KAZN: variants seen among roughly 807,000 people sequenced by gnomAD.
The protein encoded by KAZN is kazrin, periplakin interacting protein.
In KAZN, 40 loss-of-function variants were observed where a neutral mutation model predicts 87.4. The ratio of observed to expected loss-of-function variants is 0.46; its 90% confidence interval spans 0.36 to 0.60. KAZN has a LOEUF of 0.60. Among genes scored for constraint, KAZN ranks in the 20% least tolerant of loss-of-function variants. The pLI is 0.00. For missense variants in KAZN, 898 were observed against 1,073.9 expected, an observed-to-expected ratio of 0.84 and a Z score of 2.29; for synonymous variants, 466 against 458.3, an observed-to-expected ratio of 1.02 and a Z score of -0.22.
At chr1:14,283,413 A>G (rs1216945216) in intron 2 of KAZN, among the ~76,000 whole-genome samples, 1 of 152,226 alleles carries the variant, frequency 6.6e-6, no homozygotes, top group Admixed American at 6.5e-5. Flanking sequence ...AACTCCACCC[A>G]ATTAAAAAAT....
chr1:14,441,461 T>C (rs566316610), intron 2 of KAZN, among the ~76,000 whole-genome samples: 1 of 152,292 alleles, frequency 6.6e-6, no homozygotes, highest in Non-Finnish European at 1.5e-5. Flanking sequence ...TCAGAAACCC[T>C]GGGCGTGAGG....
chr1:14,193,094 A>G (rs1271046020), intron 2 of KAZN, among the ~76,000 whole-genome samples: 1 of 152,106 alleles, frequency 6.6e-6, no homozygotes, highest in Non-Finnish European at 1.5e-5. Context: ...ATGGTTTTAT[A>G]AGGCGTTCTT....
intron 1 of KAZN, among the ~76,000 whole-genome samples, chr1:14,855,670 C>G (rs1650013439): frequency 6.6e-6 from 1 of 152,220 alleles, no homozygotes; most frequent in African/African-American, 2.4e-5. Context: ...GGAAAGGGAA[C>G]TAGCTCATAT....
chr1:14,713,505 T>G (rs533851913), intron 1 of KAZN, among the ~76,000 whole-genome samples: 20 of 152,174 alleles, frequency 1.3e-4, no homozygotes, highest in Admixed American at 1.3e-3. Flanking sequence ...AGGAGACATC[T>G]GGAGATATTT....
chr1:14,466,948 G>A (rs1399227266), intron 2 of KAZN, among the ~76,000 whole-genome samples: 2 of 152,236 alleles, frequency 1.3e-5, no homozygotes, highest in African/African-American at 2.4e-5. Flanking sequence ...CAGCCTGGGC[G>A]ACAGTGCAAG....
chr1:14,614,359 C>A (rs571825525), intron 1 of KAZN, among the ~76,000 whole-genome samples: 1 of 152,346 alleles, frequency 6.6e-6, no homozygotes, highest in African/African-American at 2.4e-5. Context: ...CAATTAAAAT[C>A]ACCTGGAAGA....
At chr1:14,519,518 T>C (rs1671470655) in intron 2 of KAZN, among the ~76,000 whole-genome samples, 1 of 152,252 alleles carries the variant, frequency 6.6e-6, no homozygotes, top group East Asian at 1.9e-4. Context: ...CCTCTCCCAG[T>C]TTTTCTTACC....
intron 1 of KAZN, among the ~76,000 whole-genome samples, chr1:13,984,454 C>G (rs1274168886): frequency 6.6e-6 from 1 of 152,178 alleles, no homozygotes; most frequent in African/African-American, 2.4e-5. Context: ...CCCTAGAAAG[C>G]AACTTGAGCA....
chr1:14,895,583 G>A (rs768251350), intron 1 of KAZN, among the ~76,000 whole-genome samples: 9 of 152,222 alleles, frequency 5.9e-5, no homozygotes, highest in South Asian at 2.1e-4. Context: ...CAGCTGATGC[G>A]TAACCCAGCA....
At chr1:13,928,707 G>A (rs1570305109) in intron 1 of KAZN, among the ~76,000 whole-genome samples, 1 of 152,144 alleles carries the variant, frequency 6.6e-6, no homozygotes, top group South Asian at 2.1e-4. Flanking sequence ...GCATACATGG[G>A]CATATTTTGG....
intron 1 of KAZN, among the ~76,000 whole-genome samples, chr1:14,079,723 G>T (rs1019327800): frequency 6.6e-6 from 1 of 152,334 alleles, no homozygotes; most frequent in African/African-American, 2.4e-5. Context: ...GGGTACAGCT[G>T]CAAGTGCTGC....
At chr1:14,142,728 G>C (rs931453142) in intron 1 of KAZN, among the ~76,000 whole-genome samples, 20 of 152,320 alleles carry the variant, frequency 1.3e-4, no homozygotes, top group African/African-American at 4.8e-4. Context: ...AGGCAGATGG[G>C]CCCGCTGCAG....
rs554794638 is a variant in KAZN at position 14,960,266 on chromosome 1, G to A, written c.227-418G>A. ...GAGTTACTTAATCTCTCTGGGCATC[G>A]ATGTCCTAATTTATAAAATGGGGTT... On this transcript the variant is annotated intron_variant, in intron 1 of 14. Transcript: ENST00000376030. Among the ~76,000 whole-genome samples the A allele has an allele frequency of 5.3e-5, 8 of 152,270 alleles. No individual in the cohort carries two copies. In the South Asian group the frequency reaches 6.2e-4, roughly 12 times the overall value.
At chr1:13,902,341 T>C (rs561590685) in intron 1 of KAZN, among the ~76,000 whole-genome samples, 9 of 152,346 alleles carry the variant, frequency 5.9e-5, no homozygotes, top group African/African-American at 2.2e-4. Context: ...TGAAGGTGCT[T>C]TGTCTTCCCC....
chr1:14,863,457 GGA>G (rs990557018), intron 1 of KAZN, among the ~76,000 whole-genome samples: 12 of 152,184 alleles, frequency 7.9e-5, no homozygotes, highest in Non-Finnish European at 1.5e-4. Context: ...GAGCAGAAGT[GGA>G]GAGAGGGCCC....
At chr1:15,010,479 C>T (rs940671138) in intron 2 of KAZN, among the ~76,000 whole-genome samples, 10 of 150,514 alleles carry the variant, frequency 6.6e-5, no homozygotes, top group African/African-American at 2.5e-4. Flanking sequence ...CAAGCTCCGC[C>T]TCCCAGGTTC....
chr1:14,920,010 G>A (rs1658321229), intron 1 of KAZN, among the ~76,000 whole-genome samples: 1 of 152,046 alleles, frequency 6.6e-6, no homozygotes, highest in South Asian at 2.1e-4. Flanking sequence ...CTCTGTCCCT[G>A]TCCTTGTCAT....
chr1:14,126,134 CTG>C (rs1644860706), intron 1 of KAZN, among the ~76,000 whole-genome samples: 1 of 152,134 alleles, frequency 6.6e-6, no homozygotes. Flanking sequence ...CTTATGTGGA[CTG>C]TGTGTGTGGT....
At chr1:14,077,773 G>A (rs1032194828) in intron 1 of KAZN, among the ~76,000 whole-genome samples, 1 of 152,176 alleles carries the variant, frequency 6.6e-6, no homozygotes, top group Non-Finnish European at 1.5e-5. Context: ...AGGTCACTGG[G>A]GTGGGGGGAT....
Sources: allele counts gnomAD v4.1 joint callset (sites outside exome capture counted in the v4.1 genomes callset), GRCh38; gene constraint gnomAD v4.1.1; transcripts MANE v1.5; gene names NCBI Gene and HGNC (gene_info 2026-07-23, HGNC 2026-07-21).